Variants in B3GALT1 observed in about 807,000 individuals in gnomAD.
The protein encoded by B3GALT1 is UDP-Gal:betaGlcNAc beta 1,3-galactosyltransferase, polypeptide 1.
A neutral mutation model predicts 23.2 loss-of-function variants in B3GALT1; 10 were observed. That is an observed-to-expected ratio of 0.43 (90% CI 0.27 to 0.73). The LOEUF (loss-of-function observed/expected upper bound fraction) is 0.73, where lower values mean the gene tolerates loss of function less well. Among genes scored for constraint, B3GALT1 ranks in the 30% least tolerant of loss-of-function variants. B3GALT1 has a pLI of 0.21. For missense variants in B3GALT1, 299 were observed against 405.4 expected, an observed-to-expected ratio of 0.74 and a Z score of 2.25; for synonymous variants, 156 against 141.5, an observed-to-expected ratio of 1.10 and a Z score of -0.73.
At chr2:167,678,416 A>G (rs909536531) in intron 3 of B3GALT1, among the ~76,000 whole-genome samples, 5 of 152,234 alleles carry the variant, frequency 3.3e-5, no homozygotes, top group Admixed American at 2.6e-4. Context: ...ATGACTAGGA[A>G]GTGGGAGCAT....
At chr2:167,344,886 G>A (rs963791433) in intron 1 of B3GALT1, among the ~76,000 whole-genome samples, 2 of 152,124 alleles carry the variant, frequency 1.3e-5, no homozygotes, top group Non-Finnish European at 2.9e-5. Flanking sequence ...TCATATGAAT[G>A]TGGAGACTAA....
intron 3 of B3GALT1, among the ~76,000 whole-genome samples, chr2:167,672,981 T>C (rs1468292222): frequency 1.3e-5 from 2 of 148,620 alleles, no homozygotes; most frequent in Non-Finnish European, 3.0e-5. Flanking sequence ...AGAGAGAGAC[T>C]GTGTGTGTGT....
chr2:167,714,616 G>A, intron 3 of B3GALT1: 1 of 1,613,794 alleles, frequency 6.2e-7, no homozygotes, highest in Non-Finnish European at 8.5e-7. Context: ...TTTGTTTGTT[G>A]TGAGCATTTT....
chr2:167,597,111 G>GTTT (rs1354123455), intron 2 of B3GALT1, among the ~76,000 whole-genome samples: 1 of 135,576 alleles, frequency 7.4e-6, no homozygotes, highest in African/African-American at 2.9e-5. Context: ...TTTGTTTTTT[G>GTTT]TTTTTGTTTT....
Position 167,615,825 on chromosome 2 carries a change from T to G in B3GALT1, c.-409-31084T>G, listed in dbSNP as rs529107397. Among the ~76,000 whole-genome samples, 5 of 152,218 alleles carry G rather than the reference T, an allele frequency of 3.3e-5. No homozygotes were observed. The South Asian group carries it at 1.0e-3, about 32-fold the overall frequency. Reference sequence around the variant, plus strand: ...ACTTAATCTTCCTGTGAGCCCCATGTGGTAGGGTGCTTTATTATCCTCATT... The same window carrying G: ...ACTTAATCTTCCTGTGAGCCCCATGGGGTAGGGTGCTTTATTATCCTCATT... On this transcript the variant is annotated intron_variant, in intron 2 of 4. Coordinates refer to ENST00000392690, the MANE Select transcript of B3GALT1 (RefSeq NM_020981.4).
At chr2:167,302,221 G>A (rs1474812298) in intron 1 of B3GALT1, among the ~76,000 whole-genome samples, 1 of 152,026 alleles carries the variant, frequency 6.6e-6, no homozygotes, top group African/African-American at 2.4e-5. Context: ...TATAAAAATG[G>A]TTAAATGAAA....
At chr2:167,731,813 A>G (rs1303236653) in intron 3 of B3GALT1, among the ~76,000 whole-genome samples, 1 of 152,218 alleles carries the variant, frequency 6.6e-6, no homozygotes, top group Non-Finnish European at 1.5e-5. Context: ...TCTCAAAGTC[A>G]GAGCAGTGGT....
intron 3 of B3GALT1, among the ~76,000 whole-genome samples, chr2:167,677,311 A>G (rs1686445260): frequency 6.6e-6 from 1 of 152,222 alleles, no homozygotes; most frequent in Non-Finnish European, 1.5e-5. Context: ...TATACCTTAA[A>G]TATACACAAT....
intron 2 of B3GALT1, among the ~76,000 whole-genome samples, chr2:167,505,943 C>T (rs1332039864): frequency 1.3e-5 from 2 of 151,964 alleles, no homozygotes; most frequent in South Asian, 2.1e-4. Flanking sequence ...TCCTGTAGTC[C>T]CGGCTACTTG....
chr2:167,349,456 AG>A (rs1697277286), intron 1 of B3GALT1, among the ~76,000 whole-genome samples: 1 of 152,230 alleles, frequency 6.6e-6, no homozygotes, highest in African/African-American at 2.4e-5. Context: ...GAGGCCGTAA[AG>A]TGCTTCCTTT....
At chr2:167,350,984 T>A (rs1333061162) in intron 1 of B3GALT1, among the ~76,000 whole-genome samples, 1 of 152,174 alleles carries the variant, frequency 6.6e-6, no homozygotes, top group East Asian at 1.9e-4. Context: ...CAATATCATT[T>A]TCGGCTGGGC....
intron 1 of B3GALT1, among the ~76,000 whole-genome samples, chr2:167,395,512 C>A (rs73021758): frequency 0.028 from 4,272 of 152,172 alleles, 211 homozygotes; most frequent in African/African-American, 0.097. Flanking sequence ...CTCCCCAGAA[C>A]CTCCAGAAAG....
intron 2 of B3GALT1, among the ~76,000 whole-genome samples, chr2:167,595,803 A>G (rs1001696279): frequency 6.6e-6 from 1 of 152,230 alleles, no homozygotes. Context: ...CTCTGTTTTA[A>G]AATATCAAAG....
At chr2:167,818,280 GT>G (rs1400530795) in intron 3 of B3GALT1, among the ~76,000 whole-genome samples, 1 of 152,160 alleles carries the variant, frequency 6.6e-6, no homozygotes, top group Non-Finnish European at 1.5e-5. Flanking sequence ...CATTGGGCCT[GT>G]TTATCTTTGT....
At chr2:167,556,751 T>C (rs1171853218) in intron 2 of B3GALT1, among the ~76,000 whole-genome samples, 2 of 152,206 alleles carry the variant, frequency 1.3e-5, no homozygotes, top group Non-Finnish European at 2.9e-5. Context: ...TCACTGCAAC[T>C]TCATAGAGGA....
intron 1 of B3GALT1, among the ~76,000 whole-genome samples, chr2:167,379,311 G>A (rs781518756): frequency 2.0e-4 from 30 of 152,068 alleles, no homozygotes; most frequent in Non-Finnish European, 3.1e-4. Context: ...CCCTTGACAT[G>A]TGGGGATTAT....
intron 3 of B3GALT1, among the ~76,000 whole-genome samples, chr2:167,721,028 T>C (rs1687223544): frequency 6.6e-6 from 1 of 152,134 alleles, no homozygotes. Flanking sequence ...CTTCTTTCTC[T>C]CTCCCTCTCT....
intron 3 of B3GALT1, among the ~76,000 whole-genome samples, chr2:167,813,088 C>A (rs912512834): frequency 6.8e-6 from 1 of 146,812 alleles, no homozygotes; most frequent in African/African-American, 2.5e-5. Flanking sequence ...CAGAAAGACA[C>A]AAGATTCTCT....
chr2:167,461,357 G>C (rs55790047), intron 1 of B3GALT1, among the ~76,000 whole-genome samples: 1 of 152,156 alleles, frequency 6.6e-6, no homozygotes, highest in Admixed American at 6.5e-5. Flanking sequence ...ACCTTCCATA[G>C]ACGCCAGATT....
Sources: gnomAD v4.1 joint callset for allele counts (sites outside exome capture counted in the v4.1 genomes callset) on GRCh38, gnomAD v4.1.1 for gene constraint, MANE v1.5 for transcripts, NCBI Gene and HGNC (gene_info 2026-07-23, HGNC 2026-07-21) for gene names.